LDLRAD4: variants seen among roughly 807,000 people sequenced by gnomAD.
LDLRAD4 encodes the protein low density lipoprotein receptor class A domain containing 4.
Under a neutral mutation model 17.0 loss-of-function variants are expected in LDLRAD4, and 5 were observed. That is an observed-to-expected ratio of 0.29 (90% CI 0.15 to 0.62). The LOEUF is 0.62. Ranked by LOEUF, LDLRAD4 falls within the 20% of genes least tolerant of loss-of-function variation. The probability of loss-of-function intolerance (pLI) is 0.84; values close to 1 mark genes in which losing one functional copy is unlikely to be tolerated. For synonymous variants in LDLRAD4, 168 were observed against 171.8 expected (o/e 0.98, Z 0.17); for missense variants, 340 against 424.7 (o/e 0.80, Z 1.75).
At chr18:13,307,266 C>G (rs891072725) in intron 1 of LDLRAD4, among the ~76,000 whole-genome samples, 7 of 152,132 alleles carry the variant, frequency 4.6e-5, no homozygotes, top group African/African-American at 1.4e-4. Context: ...GTCTCTGCCC[C>G]GCCTGAGACA....
chr18:13,312,352 T>C (rs1473193467), intron 1 of LDLRAD4, among the ~76,000 whole-genome samples: 1 of 152,162 alleles, frequency 6.6e-6, no homozygotes, highest in Admixed American at 6.5e-5. Context: ...TATTCCAAAA[T>C]CTGAAAAAAT....
chr18:13,503,215 G>A (rs2093640304), intron 3 of LDLRAD4, among the ~76,000 whole-genome samples: 1 of 152,236 alleles, frequency 6.6e-6, no homozygotes, highest in Non-Finnish European at 1.5e-5. Flanking sequence ...TTTTTCCTCA[G>A]TTACATGGAG....
intron 2 of LDLRAD4, among the ~76,000 whole-genome samples, chr18:13,388,506 G>A (rs562121815): frequency 6.6e-6 from 1 of 151,988 alleles, no homozygotes; most frequent in South Asian, 2.1e-4. Flanking sequence ...GAGGTTTTGT[G>A]GAGGTTGCCT....
intron 1 of LDLRAD4, among the ~76,000 whole-genome samples, chr18:13,337,922 T>C (rs1344829056): frequency 6.6e-6 from 1 of 152,148 alleles, no homozygotes; most frequent in African/African-American, 2.4e-5. Context: ...GGAGATACAG[T>C]CACAGTGGAA....
At chr18:13,390,372 G>A (rs1191950427) in intron 2 of LDLRAD4, among the ~76,000 whole-genome samples, 6 of 152,260 alleles carry the variant, frequency 3.9e-5, no homozygotes, top group African/African-American at 1.4e-4. Context: ...CACACTCAGT[G>A]CAGGCAGGAA....
intron 1 of LDLRAD4, among the ~76,000 whole-genome samples, chr18:13,311,833 CTT>C (rs34431463): frequency 2.9e-5 from 4 of 139,048 alleles, no homozygotes; most frequent in Admixed American, 7.4e-5. Context: ...AAATCTGAAA[CTT>C]TTTTTTTTTT....
chr18:13,231,432 C>G (rs567029988), intron 1 of LDLRAD4, among the ~76,000 whole-genome samples: 1 of 152,160 alleles, frequency 6.6e-6, no homozygotes, highest in Admixed American at 6.5e-5. Flanking sequence ...TGCCCGAGAT[C>G]GCGTGAGTCT....
intron 3 of LDLRAD4, among the ~76,000 whole-genome samples, chr18:13,523,531 C>T (rs780612584): frequency 6.6e-6 from 1 of 152,184 alleles, no homozygotes. Context: ...TCAGGAGAGC[C>T]TGACCCAGGC....
At chr18:13,624,603 T>C (rs2040952862) in intron 4 of LDLRAD4, among the ~76,000 whole-genome samples, 1 of 152,168 alleles carries the variant, frequency 6.6e-6, no homozygotes, top group Non-Finnish European at 1.5e-5. Context: ...AGGAGGTGTT[T>C]GGGGCAGGTA....
In LDLRAD4 at chr18:13,450,337, C is replaced by CCAA. The variant is rs367571092; in HGVS notation, c.181+11953_181+11954insCAA. 1.7e-3 allele frequency among the ~76,000 whole-genome samples: 192 copies of CCAA among 115,576 alleles called. 6 individuals carry two copies. Among genetic ancestry groups the CCAA allele is most frequent in the Middle Eastern group, 9.5e-3 (2 of 210 alleles). The allele number at this position is 115,576 out of a possible 152,430, so 75.8% of individuals were successfully genotyped here. A position where few individuals can be genotyped will look rare whatever the true frequency, so the allele number is the denominator to read the frequency against. ...GCTTCTCTCCCCCCACCCCCCCCCC[C>CCAA]AAAAAAACACACAAGATCCCAAGAC... is the stretch of plus-strand genomic sequence containing the variant. On this transcript the variant is annotated intron_variant, in intron 3 of 5. Transcript: ENST00000359446.
At chr18:13,521,732 G>A (rs2093956722) in intron 3 of LDLRAD4, 1 of 151,926 alleles carries the variant, frequency 6.6e-6, no homozygotes, top group Non-Finnish European at 1.5e-5. Context: ...GACCTGCTCT[G>A]TTTTGGCATA....
chr18:13,556,379 T>G (rs1293279067), intron 3 of LDLRAD4, among the ~76,000 whole-genome samples: 1 of 152,214 alleles, frequency 6.6e-6, no homozygotes, highest in African/African-American at 2.4e-5. Flanking sequence ...AGCCTTACCA[T>G]CCAGTGAAGA....
chr18:13,638,511 T>G (rs761454067), intron 4 of LDLRAD4, among the ~76,000 whole-genome samples: 4 of 152,176 alleles, frequency 2.6e-5, no homozygotes, highest in Non-Finnish European at 5.9e-5. Flanking sequence ...TGCAAGGCAG[T>G]GCACATACAA....
In LDLRAD4 at chr18:13,406,208, G is replaced by A. The variant is rs570455029; in HGVS notation, c.40+18446G>A. Reference sequence around the variant, plus strand: ...TGGATTCCTGCCTACTGGTCCTCTCGGCTGATGACGGATGGTGAAATTGCA... The same window carrying A: ...TGGATTCCTGCCTACTGGTCCTCTCAGCTGATGACGGATGGTGAAATTGCA... On this transcript the variant is annotated intron_variant, in intron 2 of 5. Coordinates refer to ENST00000359446, the Ensembl canonical transcript of LDLRAD4. 8.5e-5 allele frequency among the ~76,000 whole-genome samples: 13 copies of A among 152,246 alleles called. No homozygotes were observed. The East Asian group carries it at 2.1e-3, about 25-fold the overall frequency.
chr18:13,386,896 A>G (rs907290360), intron 1 of LDLRAD4, among the ~76,000 whole-genome samples: 1 of 4,364 alleles, frequency 2.3e-4, no homozygotes, highest in South Asian at 0.014. Flanking sequence ...TCATTCATAG[A>G]TAGATAGATA....
chr18:13,355,900 G>C (rs2083308633), intron 1 of LDLRAD4, among the ~76,000 whole-genome samples: 1 of 152,220 alleles, frequency 6.6e-6, no homozygotes, highest in African/African-American at 2.4e-5. Context: ...CAAAGTTCTA[G>C]GATTAAGGCA....
chr18:13,532,189 C>T (rs1332355353), intron 3 of LDLRAD4, among the ~76,000 whole-genome samples: 2 of 152,158 alleles, frequency 1.3e-5, no homozygotes, highest in African/African-American at 4.8e-5. Context: ...TGCACCCCGC[C>T]GTGCATGCGG....
intron 3 of LDLRAD4, chr18:13,459,898 G>A (rs1175795965): frequency 2.6e-5 from 4 of 154,058 alleles, no homozygotes; most frequent in Non-Finnish European, 4.4e-5. Flanking sequence ...TAGTCTCATC[G>A]TTAGAGGTGC....
At chr18:13,419,355 A>G (rs774945648) in intron 2 of LDLRAD4, 6 of 152,208 alleles carry the variant, frequency 3.9e-5, no homozygotes, top group Non-Finnish European at 7.3e-5. Flanking sequence ...GTTTTGGATC[A>G]TGATTAGGTC....
Sources: gnomAD v4.1 joint callset for allele counts (sites outside exome capture counted in the v4.1 genomes callset) on GRCh38, gnomAD v4.1.1 for gene constraint, MANE v1.5 for transcripts, NCBI Gene and HGNC (gene_info 2026-07-23, HGNC 2026-07-21) for gene names.